The following ZFHX3 variants were observed in gnomAD, a reference collection of about 807,000 sequenced individuals.
ZFHX3 encodes the protein zinc finger homeobox 3.
ZFHX3 carries 42 observed loss-of-function variants against 279.1 expected under a neutral mutation model. The observed-to-expected ratio is 0.15, with a 90% CI of 0.12 to 0.19. The LOEUF (loss-of-function observed/expected upper bound fraction) is 0.19, where lower values mean the gene tolerates loss of function less well. ZFHX3 is among the 10% of genes least tolerant of loss of function. ZFHX3 has a pLI of 1.00. For synonymous variants in ZFHX3, 2,293 were observed against 1,957.8 expected, an observed-to-expected ratio of 1.17 and a Z score of -4.52; for missense variants, 4,981 against 4,754.0, an observed-to-expected ratio of 1.05 and a Z score of -1.40.
In ZFHX3 at chr16:72,796,370, C is replaced by T. The variant is rs763222324; in HGVS notation, c.6312G>A (p.Thr2104=). Residue 2104 remains threonine (T), a synonymous_variant, in exon 9 of 10, where the codon ACG becomes ACA. Transcript: ENST00000268489. The part of the protein sequence containing the change: ...LPIFSPLMMQ[T]MPLQTLPAQL... ...GAGCCGGCAAGGTCTGCAGCGGCAT[C>T]GTCTGCATCATCAGCGGCGAGAAGA... 6 of 1,613,784 alleles carry T rather than the reference C, an allele frequency of 3.7e-6. No homozygotes were observed. The South Asian group carries it at 5.5e-5, about 15-fold the overall frequency.
intron 1 of ZFHX3, among the ~76,000 whole-genome samples, chr16:72,974,116 A>G (rs1962235166): frequency 6.6e-6 from 1 of 152,232 alleles, no homozygotes; most frequent in East Asian, 1.9e-4. Flanking sequence ...ACTTGGTCAG[A>G]TTCTTTGCAC....
intron 3 of ZFHX3, chr16:73,401,269 G>C (rs1477323464): frequency 2.0e-5 from 3 of 151,648 alleles, no homozygotes; most frequent in African/African-American, 7.3e-5. Flanking sequence ...AAAGTGCTTT[G>C]TCATTTTTAA....
intron 2 of ZFHX3, among the ~76,000 whole-genome samples, chr16:73,458,944 G>A (rs767320475): frequency 6.6e-6 from 1 of 152,142 alleles, no homozygotes; most frequent in South Asian, 2.1e-4. Context: ...ACTTACCCAA[G>A]AAGCTCATTT....
At chr16:73,179,617 A>C (rs1967746448) in intron 5 of ZFHX3, among the ~76,000 whole-genome samples, 2 of 152,212 alleles carry the variant, frequency 1.3e-5, no homozygotes, top group South Asian at 2.1e-4. Context: ...CAACTCTAGA[A>C]GGTTAGGGAA....
chr16:73,551,298 T>A (rs1054523059), intron 2 of ZFHX3, among the ~76,000 whole-genome samples: 1 of 151,830 alleles, frequency 6.6e-6, no homozygotes, highest in Non-Finnish European at 1.5e-5. Context: ...GAAACAACCC[T>A]CCCTTCTTCA....
At chr16:73,104,641 T>A (rs1275946755) in intron 7 of ZFHX3, among the ~76,000 whole-genome samples, 2 of 152,160 alleles carry the variant, frequency 1.3e-5, no homozygotes, top group African/African-American at 4.8e-5. Flanking sequence ...GGTTCATAGT[T>A]CACAGGCTTA....
chr16:72,952,640 C>T (rs1961051357), intron 2 of ZFHX3, among the ~76,000 whole-genome samples: 1 of 152,172 alleles, frequency 6.6e-6, no homozygotes, highest in South Asian at 2.1e-4. Flanking sequence ...CAGTGAGACA[C>T]GAGGCTCAGC....
intron 5 of ZFHX3, among the ~76,000 whole-genome samples, chr16:73,193,582 CT>C (rs913913695): frequency 2.6e-5 from 4 of 152,148 alleles, no homozygotes; most frequent in Admixed American, 2.0e-4. Context: ...ATCTGACTCA[CT>C]TTGTAGGGTT....
chr16:72,932,776 G>A (rs1342115824), intron 3 of ZFHX3, among the ~76,000 whole-genome samples: 2 of 152,028 alleles, frequency 1.3e-5, no homozygotes, highest in Non-Finnish European at 2.9e-5. Flanking sequence ...CTAAGAAGAC[G>A]ATGGGAAATC....
At chr16:73,300,741 C>T (rs11640575) in intron 4 of ZFHX3, among the ~76,000 whole-genome samples, 50,693 of 152,090 alleles carry the variant, frequency 0.33, 8,895 homozygotes, top group Non-Finnish European at 0.41. Flanking sequence ...TGACCTCAAG[C>T]GATCTGCCCA....
intron 5 of ZFHX3, among the ~76,000 whole-genome samples, chr16:73,185,399 T>TC (rs1192109962): frequency 6.6e-6 from 1 of 152,202 alleles, no homozygotes; most frequent in Non-Finnish European, 1.5e-5. Context: ...GTTGCACAGC[T>TC]TGCAAGTGGC....
chr16:73,735,422 C>T (rs983552747), intron 1 of ZFHX3, among the ~76,000 whole-genome samples: 7 of 150,974 alleles, frequency 4.6e-5, no homozygotes, highest in Admixed American at 2.6e-4. Flanking sequence ...ATTCTCCCCT[C>T]TCCCCAGTCC....
At chr16:73,028,476 G>A (rs571024709) in intron 1 of ZFHX3, among the ~76,000 whole-genome samples, 31 of 152,244 alleles carry the variant, frequency 2.0e-4, no homozygotes, top group African/African-American at 6.5e-4. Flanking sequence ...GCCACACACC[G>A]GGTTTGGGGT....
At chr16:73,285,623 T>A (rs2014576560) in intron 4 of ZFHX3, among the ~76,000 whole-genome samples, 1 of 152,220 alleles carries the variant, frequency 6.6e-6, no homozygotes, top group African/African-American at 2.4e-5. Context: ...AATGCATATT[T>A]TTTGACATAT....
chr16:73,110,318 T>C (rs1483741833), intron 7 of ZFHX3, among the ~76,000 whole-genome samples: 2 of 152,200 alleles, frequency 1.3e-5, no homozygotes, highest in Non-Finnish European at 2.9e-5. Context: ...AGGTTGTGTC[T>C]ATTTGCACAT....
chr16:73,560,381 C>T lies in ZFHX3; in HGVS notation c.-1546-104123G>A, dbSNP rs150419127. Reference sequence around the variant, plus strand: ...CTGGCTACCGGCTCCCTTCAGAAGTCGACGCCATTTTATCCTAAAGACACT... The same window carrying T: ...CTGGCTACCGGCTCCCTTCAGAAGTTGACGCCATTTTATCCTAAAGACACT... On this transcript the variant is annotated intron_variant, in intron 2 of 17. Coordinates refer to the ZFHX3 transcript ENST00000641206. Among the ~76,000 whole-genome samples, 116 of 152,254 alleles carry T rather than the reference C, an allele frequency of 7.6e-4. 1 individual carries two copies. Among genetic ancestry groups the T allele is most frequent in the African/African-American group, 2.6e-3 (109 of 41,544 alleles).
intron 3 of ZFHX3, among the ~76,000 whole-genome samples, chr16:73,435,886 C>T (rs1329336366): frequency 2.0e-5 from 3 of 152,208 alleles, no homozygotes; most frequent in South Asian, 2.1e-4. Flanking sequence ...GGGCATCCTG[C>T]CTGGTGTCTG....
intron 2 of ZFHX3, among the ~76,000 whole-genome samples, chr16:73,520,590 T>C (rs547539566): frequency 6.6e-6 from 1 of 152,364 alleles, no homozygotes; most frequent in Non-Finnish European, 1.5e-5. Flanking sequence ...AAGCCCTGTC[T>C]GCTCTGGAAG....
At chr16:73,092,636 C>G in intron 8 of ZFHX3, 1 of 258,442 alleles carries the variant, frequency 3.9e-6, no homozygotes, top group South Asian at 4.6e-5. Context: ...TCAAGCCGAG[C>G]GCGAACGCCG....
Sources: gnomAD v4.1 joint callset for allele counts (sites outside exome capture counted in the v4.1 genomes callset) on GRCh38, gnomAD v4.1.1 for gene constraint, MANE v1.5 for transcripts, NCBI Gene and HGNC (gene_info 2026-07-23, HGNC 2026-07-21) for gene names.